The following TERF1 variants were observed in gnomAD, a reference collection of about 807,000 sequenced individuals.
TERF1 encodes telomeric repeat-binding factor 1.
In TERF1, 20 loss-of-function variants were observed where a neutral mutation model predicts 55.1. That is an observed-to-expected ratio of 0.36 (90% CI 0.26 to 0.53). TERF1 has a LOEUF of 0.53. Ranked by LOEUF, TERF1 falls within the 20% of genes least tolerant of loss-of-function variation. TERF1 has a pLI of 0.91. For missense variants in TERF1, 439 were observed against 535.7 expected (o/e 0.82, Z 1.78); for synonymous variants, 168 against 181.2 (o/e 0.93, Z 0.59).
At chr8:73,037,010 AATATAATATATAATAT>A (rs935919355) in intron 8 of TERF1, among the ~76,000 whole-genome samples, 10 of 133,382 alleles carry the variant, frequency 7.5e-5, no homozygotes, top group African/African-American at 2.5e-4. Flanking sequence ...GTTTATATGT[AATATAATATATAATAT>A]ATATAATATA....
Position 73,030,356 on chromosome 8 carries a change from C to T in TERF1, c.908C>T (p.Ala303Val), listed in dbSNP as rs533827129. 2.3e-5 allele frequency: 35 copies of T among 1,522,936 alleles called. No individual in the cohort carries two copies. In the Admixed American group the frequency reaches 3.1e-4, roughly 13 times the overall value. The allele number at this position is 1,522,936 out of a possible 1,614,324, so 94.3% of individuals were successfully genotyped here. Residue 303 changes from alanine (A) to valine (V), a missense_variant, in exon 7 of 10, where the codon GCG (alanine) becomes GTG (valine). Ala to Val is a moderately conservative substitution (Grantham distance 64, BLOSUM62 0). This residue lies in a region of TERF1 where 140 missense variants were observed against 158.6 expected (regional missense o/e 0.88). Transcript: ENST00000276603. The stretch of plus-strand genomic sequence containing the variant: ...TAAAGTGTTAGTGACAAACAGTCTG[C>T]GGTAACTGAATCCTCAGAGGGTACA... ...TRKSVSDKQS[A>V]VTESSEGTVS...
chr8:73,012,659 G>C (rs972680893), intron 1 of TERF1, among the ~76,000 whole-genome samples: 8 of 151,368 alleles, frequency 5.3e-5, no homozygotes, highest in African/African-American at 1.9e-4. Context: ...GCGACAGAGC[G>C]TGACTCTGTC....
At chr8:73,027,628 T>C (rs1269259282) in intron 6 of TERF1, among the ~76,000 whole-genome samples, 1 of 152,190 alleles carries the variant, frequency 6.6e-6, no homozygotes, top group East Asian at 1.9e-4. Flanking sequence ...TCTTCCCCTA[T>C]TGAGAAAGAT....
chr8:73,035,581 A>G (rs1314276542), intron 8 of TERF1, among the ~76,000 whole-genome samples: 3 of 152,178 alleles, frequency 2.0e-5, no homozygotes, highest in African/African-American at 7.2e-5. Context: ...GGTATTCTAT[A>G]TATGTACTCA....
chr8:73,030,068 G>C (rs1362901105), intron 6 of TERF1: 1 of 288,658 alleles, frequency 3.5e-6, no homozygotes, highest in Non-Finnish European at 6.3e-6. Context: ...AAGTGCCGTA[G>C]AAGAGTTTTT....
chr8:73,020,916 C>A, intron 3 of TERF1, 111 bp downstream of exon 3: 1 of 744,316 alleles, frequency 1.3e-6, no homozygotes, highest in South Asian at 2.2e-5. Flanking sequence ...TGTATTGTTT[C>A]TCTTCAGAAA....
At chr8:73,030,018 C>T (rs1809210447) in intron 6 of TERF1, 2 of 194,816 alleles carry the variant, frequency 1.0e-5, no homozygotes, top group Non-Finnish European at 2.1e-5. Flanking sequence ...TCAATTATAC[C>T]TTAATAAAGC....
At chr8:73,036,282 C>T (rs1280295691) in intron 8 of TERF1, among the ~76,000 whole-genome samples, 1 of 152,182 alleles carries the variant, frequency 6.6e-6, no homozygotes, top group African/African-American at 2.4e-5. Context: ...GCCTATCTGA[C>T]TGGCTATAGA....
chr8:73,023,021 A>G (rs1352132313), intron 4 of TERF1, among the ~76,000 whole-genome samples: 1 of 152,236 alleles, frequency 6.6e-6, no homozygotes, highest in Non-Finnish European at 1.5e-5. Flanking sequence ...TAGATTATGT[A>G]TAATAACTTA....
intron 8 of TERF1, among the ~76,000 whole-genome samples, chr8:73,036,861 A>G (rs935951766): frequency 6.9e-6 from 1 of 145,002 alleles, no homozygotes; most frequent in Non-Finnish European, 1.5e-5. Flanking sequence ...ATAATATATT[A>G]TATATATATG....
chr8:73,027,219 A>G (rs1276772014), intron 6 of TERF1, among the ~76,000 whole-genome samples, 167 bp downstream of exon 6: 2 of 152,208 alleles, frequency 1.3e-5, no homozygotes, highest in Non-Finnish European at 2.9e-5. Flanking sequence ...TGACTTGTGC[A>G]AATTATATAT....
rs533362865 is a variant in TERF1 at position 73,037,610 on chromosome 8, T to TTA, written c.1040-1498_1040-1497dup. Among the ~76,000 whole-genome samples the TTA allele has an allele frequency of 8.6e-3, 880 of 102,712 alleles. 34 individuals are homozygous for TTA. The highest frequency in any genetic ancestry group is 0.036 in the African/African-American group (850 of 23,416). The allele number at this position is 102,712 out of a possible 152,430, so 67.4% of individuals were successfully genotyped here. On this transcript the variant is annotated intron_variant, in intron 8 of 9. Coordinates refer to ENST00000276603, the MANE Select transcript of TERF1 (RefSeq NM_017489.3). Reference sequence around the variant, plus strand: ...ATATATATAACATATCATAAATTTATTATATATATTATATATTATATATAA... The same window carrying TTA: ...ATATATATAACATATCATAAATTTATTATATATATATTATATATTATATATAA...
chr8:73,045,204 G>T (rs1809984620), intron 9 of TERF1, among the ~76,000 whole-genome samples: 1 of 152,018 alleles, frequency 6.6e-6, no homozygotes. Context: ...GTGTTTTTTT[G>T]ATAGCAGCCA....
In TERF1 at chr8:73,027,025, C is replaced by T; in HGVS notation, c.860C>T (p.Thr287Ile). Residue 287 changes from threonine (T) to isoleucine (I), a missense_variant, in exon 6 of 10, where the codon ACT becomes ATT. Thr to Ile is a moderately conservative substitution (Grantham distance 89). Around this residue, in one of 4 missense-constraint regions of TERF1, gnomAD observed 140 missense variants for 158.6 expected, o/e 0.88. Coordinates refer to ENST00000276603, the MANE Select transcript of TERF1 (RefSeq NM_017489.3). ...AGTGGTAATGATGTTGAAATGGAAA[C>T]TGAAGCTAATTTGGATACAAGAAAA... ...KPSGNDVEME[T>I]EANLDTRKSV... The T allele has an allele frequency of 1.2e-6, 2 of 1,612,122 alleles. No homozygotes were observed. Among genetic ancestry groups the T allele is most frequent in the South Asian group, 1.1e-5 (1 of 90,864 alleles).
Position 73,009,203 on chromosome 8 carries a change from A to C in TERF1, c.317A>C (p.Glu106Ala), listed in dbSNP as rs1430087208. The C allele has an allele frequency of 1.2e-6, 2 of 1,609,678 alleles. No homozygotes were observed. The highest frequency in any genetic ancestry group is 2.7e-5 in the African/African-American group (2 of 74,882). ...TTCCGCAGGACCCGCAACAGCGCAGAGGGTGAGTGCAGACCGCGTCCGGGC... is the reference window on the plus strand; with the variant it reads ...TTCCGCAGGACCCGCAACAGCGCAGCGGGTGAGTGCAGACCGCGTCCGGGC... ...EDFRRTRNSA[E>A]AIIHGLSSLT... The change falls in exon 1 of 10, where the codon GAG (glutamate) becomes GCG (alanine). Residue 106 changes from glutamate to alanine, a missense_variant and splice_region_variant. By Grantham distance (107) the Glu-to-Ala change is moderately radical (BLOSUM62 -1). Around this residue, in one of 4 missense-constraint regions of TERF1, gnomAD observed 179 missense variants for 152.6 expected, o/e 1.17. Coordinates refer to ENST00000276603, the MANE Select transcript of TERF1 (RefSeq NM_017489.3).
chr8:73,035,392 CTA>C (rs1237730928), intron 8 of TERF1, among the ~76,000 whole-genome samples: 1 of 150,682 alleles, frequency 6.6e-6, no homozygotes, highest in African/African-American at 2.4e-5. Context: ...TAGTTTAATT[CTA>C]TTTCAGTCTG....
intron 6 of TERF1, 129 bp from the exon 7 acceptor site, chr8:73,030,207 A>G: frequency 1.7e-6 from 1 of 594,194 alleles, no homozygotes. Flanking sequence ...ATATGTCCCG[A>G]TGTTACCAAG....
chr8:73,013,752 A>G, intron 1 of TERF1, 143 bp from the exon 2 acceptor site: 1 of 574,032 alleles, frequency 1.7e-6, no homozygotes, highest in Non-Finnish European at 3.1e-6. Context: ...TTTTGTTCTG[A>G]ATTTTAATCA....
At chr8:73,035,150 G>T (rs1809460188) in intron 8 of TERF1, among the ~76,000 whole-genome samples, 1 of 152,120 alleles carries the variant, frequency 6.6e-6, no homozygotes, top group Admixed American at 6.5e-5. Flanking sequence ...AATGCTTTAA[G>T]AGGTCATTCA....
Sources: allele counts gnomAD v4.1 joint callset (sites outside exome capture counted in the v4.1 genomes callset), GRCh38; gene constraint gnomAD v4.1.1; regional missense constraint gnomAD v4.1.1; transcripts MANE v1.5; gene names NCBI Gene and HGNC (gene_info 2026-07-23, HGNC 2026-07-21).